Variants in ZER1 observed in about 807,000 individuals in gnomAD.
ZER1 encodes protein zer-1 homolog.
ZER1 carries 11 observed loss-of-function variants against 78.8 expected under a neutral mutation model. The ratio of observed to expected loss-of-function variants is 0.14; its 90% CI spans 0.09 to 0.23. ZER1 has a LOEUF of 0.23. Ranked by LOEUF, ZER1 falls within the 10% of genes least tolerant of loss-of-function variation. The pLI, the probability that ZER1 is intolerant of heterozygous loss-of-function variation, is 1.00. For synonymous variants in ZER1, 400 were observed against 407.0 expected (o/e 0.98, Z 0.21); for missense variants, 588 against 996.9 (o/e 0.59, Z 5.52).
rs796751466 is a variant in ZER1, at chr9:128,760,636, C to CA, written c.-94-4978dup. On this transcript the variant is annotated intron_variant, in intron 1 of 15. Transcript: ENST00000291900. The stretch of plus-strand genomic sequence containing the variant: ...GTGAAACCCCGTCTCTACCAAAATA[C>CA]AAAAAAAAAAGCTGGGTGTTGTGGT... Among the ~76,000 whole-genome samples, 1,155 of 145,400 alleles carry CA rather than the reference C, an allele frequency of 7.9e-3. 11 individuals carry two copies. The highest frequency in any genetic ancestry group is 0.022 in the African/African-American group (886 of 39,818).
At position 128,742,664 on chromosome 9, in the gene ZER1, G is replaced by A; in HGVS notation, c.1441C>T (p.Leu481Phe). 1 of 1,614,256 alleles carries A rather than the reference G, an allele frequency of 6.2e-7. No homozygotes were observed. Among genetic ancestry groups the A allele is most frequent in the Non-Finnish European group, 8.5e-7 (1 of 1,180,044 alleles). Reference sequence around the variant, plus strand: ...GTGGGGTTGAGGATGCTGAGCAGGAGCTCGTTGACCCGGCGGTACTGGAAT... The same window carrying A: ...GTGGGGTTGAGGATGCTGAGCAGGAACTCGTTGACCCGGCGGTACTGGAAT... ...LEFQYRRVNE[L>F]LLSILNPTRQ... Residue 481 changes from leucine (L) to phenylalanine (F), a missense_variant, in exon 9 of 16, where the codon CTC (leucine) becomes TTC (phenylalanine). Transcript: ENST00000291900.
In ZER1 at chr9:128,755,317, C is replaced by G; in HGVS notation, c.158+91G>C. The stretch of plus-strand genomic sequence containing the variant: ...CACCCTCACACATTCATCTCCATAG[C>G]TACTCCCCACATAGTGCACACACGG... On this transcript the variant is annotated intron_variant, in intron 2 of 15. Transcript: ENST00000291900. The surrounding 1 kb of genome is among the most constrained non-coding windows in gnomAD (Gnocchi z 5.6). 1 of 1,541,256 alleles carries G rather than the reference C, an allele frequency of 6.5e-7. No individual in the cohort carries two copies. Among genetic ancestry groups the G allele is most frequent in the Non-Finnish European group, 8.9e-7 (1 of 1,126,320 alleles).
In ZER1 at chr9:128,742,636, C is replaced by T. The variant is rs764825206; in HGVS notation, c.1469G>A (p.Arg490Gln). The stretch of plus-strand genomic sequence containing the variant: ...GATCCGCTGGATAGACTCGTCCTGC[C>T]GCGTGGGGTTGAGGATGCTGAGCAG... ...ELLLSILNPT[R>Q]QDESIQRIAV... Residue 490 changes from arginine to glutamine, a missense_variant, in exon 9 of 16, where the codon CGG becomes CAG. Physicochemically the swap from Arg to Gln is conservative, Grantham distance 43 (BLOSUM62 1). Around this residue, in one of 3 missense-constraint regions of ZER1, gnomAD observed 406 missense variants for 660.1 expected, o/e 0.62. Coordinates refer to ENST00000291900, the MANE Select transcript of ZER1 (RefSeq NM_006336.4). 1.9e-6 allele frequency: 3 copies of T among 1,614,088 alleles called. No individual in the cohort carries two copies. Among genetic ancestry groups the T allele is most frequent in the South Asian group, 1.1e-5 (1 of 91,092 alleles).
In ZER1 at chr9:128,753,032, G is replaced by C. The variant is rs190666292; in HGVS notation, c.746+132C>G. On this transcript the variant is annotated intron_variant, in intron 4 of 15. Transcript: ENST00000291900. This position sits in a 1 kb window ranked among gnomAD's most constrained non-coding sequence, Gnocchi z 7.5. ...CTGAAACACTGGGTTTAAGGAATGG[G>C]ACTGTGTCTTCATCCCCACCCTCTG... The C allele has an allele frequency of 3.3e-4, 398 of 1,200,530 alleles. No individual in the cohort carries two copies. In the African/African-American group the frequency reaches 4.7e-3, roughly 14 times the overall value. 74.4% of individuals were successfully genotyped at this position (1,200,530 alleles called of 1,614,324 possible). A position where few individuals can be genotyped will look rare whatever the true frequency, so the allele number is the denominator to read the frequency against.
At chr9:128,731,437 T>TGGGGGGGTTGGGGGGGGGGGGGGGGGG in intron 15 of ZER1, 43 bp from the exon 16 acceptor site, 2 of 451,604 alleles carry the variant, frequency 4.4e-6, no homozygotes, top group East Asian at 4.9e-5. Context: ...TGGGCTTGGG[T>TGGGGGGGTTGGGGGGGGGGGGGGGGGG]GGGGGTGAGC....
At position 128,733,453 on chromosome 9, in the gene ZER1, G is replaced by T; in HGVS notation, c.2216C>A (p.Ala739Glu). ...GGCCATTTCCTTGGTCTCCTGCCGT[G>T]CGGTCGCCATCTTAATTATGTCCCT... ...LLRDIIKMAT[A>E]RQETKEMARK... The change falls in exon 15 of 16, where the codon GCA (alanine) becomes GAA (glutamate). Residue 739 changes from alanine to glutamate, a missense_variant. Physicochemically the swap from Ala to Glu is moderately radical, Grantham distance 107. Coordinates refer to ENST00000291900, the MANE Select transcript of ZER1 (RefSeq NM_006336.4). The T allele has an allele frequency of 6.2e-7, 1 of 1,613,916 alleles. No homozygotes were observed. The highest frequency in any genetic ancestry group is 1.1e-5 in the South Asian group (1 of 91,012).
At chr9:128,745,332 G>A (rs1006394718) in intron 8 of ZER1, among the ~76,000 whole-genome samples, 30 of 151,030 alleles carry the variant, frequency 2.0e-4, no homozygotes, top group African/African-American at 6.6e-4. Context: ...GACTACAGGC[G>A]CACATCACCA....
chr9:128,743,306 G>A (rs111941120), intron 8 of ZER1, among the ~76,000 whole-genome samples: 5,126 of 152,078 alleles, frequency 0.034, 96 homozygotes, highest in Middle Eastern at 0.075. Context: ...AGTAGAGATG[G>A]GGTTTCCCCA....
At chr9:128,742,841 G>A in intron 8 of ZER1, 96 bp from the exon 9 acceptor site, 1 of 1,307,928 alleles carries the variant, frequency 7.6e-7, no homozygotes, top group Non-Finnish European at 1.0e-6. Context: ...ATCCAGAGTT[G>A]TGGCAGTCCA....
chr9:128,747,385 C>T (rs1016540235), intron 8 of ZER1, among the ~76,000 whole-genome samples: 6 of 152,120 alleles, frequency 3.9e-5, no homozygotes, highest in Admixed American at 3.9e-4. Context: ...TGGGCAGAGC[C>T]TTGACCTTGG....
intron 1 of ZER1, among the ~76,000 whole-genome samples, chr9:128,766,479 T>C (rs965476755): frequency 6.6e-6 from 1 of 152,136 alleles, no homozygotes; most frequent in Admixed American, 6.6e-5. Flanking sequence ...GAAGGGGCTA[T>C]GGCTATGCAA....
intron 8 of ZER1, among the ~76,000 whole-genome samples, chr9:128,748,274 G>A (rs1044831827): frequency 7.2e-5 from 11 of 151,856 alleles, no homozygotes; most frequent in African/African-American, 2.7e-4. Context: ...GCAGGGTGGC[G>A]GGCGCCTGTA....
intron 8 of ZER1, among the ~76,000 whole-genome samples, chr9:128,747,151 A>G (rs932997025): frequency 1.3e-5 from 2 of 151,620 alleles, no homozygotes; most frequent in African/African-American, 4.9e-5. Flanking sequence ...GTGAGCCGAG[A>G]TCACACCACT....
At position 128,740,917 on chromosome 9, in the gene ZER1, C is replaced by G; in HGVS notation, c.1738-30G>C. On this transcript the variant is annotated intron_variant, in intron 11 of 15. Transcript: ENST00000291900. The surrounding 1 kb of genome is among the most constrained non-coding windows in gnomAD (Gnocchi z 4.4). The stretch of plus-strand genomic sequence containing the variant: ...GAAAAGGAGAGCCAATGGGCCGCAT[C>G]AATTAGTACTTAATGACTTAGTATC... 2 of 778,248 alleles carry G rather than the reference C, an allele frequency of 2.6e-6. No individual in the cohort carries two copies. The highest frequency in any genetic ancestry group is 4.8e-6 in the Non-Finnish European group (2 of 416,708). The allele number at this position is 778,248 out of a possible 1,614,324, so 48.2% of individuals were successfully genotyped here.
At chr9:128,758,092 ATG>A (rs1462966996) in intron 1 of ZER1, among the ~76,000 whole-genome samples, 1 of 150,250 alleles carries the variant, frequency 6.7e-6, no homozygotes, top group Non-Finnish European at 1.5e-5. Flanking sequence ...AAGGCTTACA[ATG>A]TTTTTTTTTT....
Position 128,751,197 on chromosome 9 carries a change from G to A in ZER1, c.1110C>T (p.Ile370=), listed in dbSNP as rs750865898. The part of the protein sequence containing the change: ...IEAYTEHRPE[I]TSRAINLLFD... ...AAAGCAAGTTGATGGCCCGCGAGGT[G>A]ATCTCAGGCCGGTGCTCCGTGTAGG... The change falls in exon 7 of 16, where the codon ATC becomes ATT. Residue 370 remains isoleucine, a synonymous_variant. Coordinates refer to ENST00000291900, the MANE Select transcript of ZER1 (RefSeq NM_006336.4). This position sits in a 1 kb window ranked among gnomAD's most constrained non-coding sequence, Gnocchi z 5.4. 10 of 1,609,810 alleles carry A rather than the reference G, an allele frequency of 6.2e-6. No homozygotes were observed. Among genetic ancestry groups the A allele is most frequent in the Non-Finnish European group, 5.1e-6 (6 of 1,176,548 alleles).
chr9:128,736,653 G>A (rs1316039789), intron 13 of ZER1, among the ~76,000 whole-genome samples: 11 of 150,326 alleles, frequency 7.3e-5, no homozygotes, highest in Non-Finnish European at 1.6e-4. Flanking sequence ...GATTACAGGC[G>A]TGAGCCACCA....
intron 14 of ZER1, among the ~76,000 whole-genome samples, chr9:128,734,925 G>A (rs1863011332): frequency 6.6e-6 from 1 of 151,736 alleles, no homozygotes; most frequent in Non-Finnish European, 1.5e-5. Context: ...TGTTGCTCAG[G>A]CCGGAGTGCA....
chr9:128,765,516 C>T (rs2132487268), intron 1 of ZER1, among the ~76,000 whole-genome samples: 1 of 152,314 alleles, frequency 6.6e-6, no homozygotes, highest in Admixed American at 6.5e-5. Context: ...GTCTTCAGTC[C>T]ATCCATCCAA....
Sources: allele counts gnomAD v4.1 joint callset (sites outside exome capture counted in the v4.1 genomes callset), GRCh38; gene constraint gnomAD v4.1.1; regional missense constraint gnomAD v4.1.1; non-coding constraint Gnocchi (gnomAD v3.1); transcripts MANE v1.5; gene names NCBI Gene and HGNC (gene_info 2026-07-23, HGNC 2026-07-21).